Variants in GAB2 observed in about 807,000 individuals in gnomAD.
The protein encoded by GAB2 is GRB2 associated binding protein 2.
In GAB2, 26 loss-of-function variants were observed where a neutral mutation model predicts 65.5. That is an observed-to-expected ratio of 0.40 (90% CI 0.29 to 0.55). The LOEUF (loss-of-function observed/expected upper bound fraction) is 0.55, where lower values mean the gene tolerates loss of function less well. GAB2 is among the 20% of genes least tolerant of loss of function. GAB2 has a pLI of 0.53. For missense variants in GAB2, 884 were observed against 875.8 expected (o/e 1.01, Z -0.12); for synonymous variants, 321 against 329.6 (o/e 0.97, Z 0.28).
At chr11:78,259,502 G>C (rs907813055) in intron 2 of GAB2, among the ~76,000 whole-genome samples, 1 of 152,220 alleles carries the variant, frequency 6.6e-6, no homozygotes, top group Non-Finnish European at 1.5e-5. Context: ...GACAGGTGCT[G>C]AGGGCAAGAC....
At chr11:78,300,764 G>A (rs531045144) in intron 1 of GAB2, among the ~76,000 whole-genome samples, 6 of 141,536 alleles carry the variant, frequency 4.2e-5, no homozygotes, top group African/African-American at 1.0e-4. Flanking sequence ...GCATGACCTC[G>A]GCTCACTGCA....
At chr11:78,341,753 A>G in intron 1 of GAB2, 1 of 986,186 alleles carries the variant, frequency 1.0e-6, no homozygotes, top group Non-Finnish European at 1.2e-6. Context: ...TGTTTCCCAA[A>G]ACTCACCTTT....
chr11:78,351,254 C>CT lies in GAB2; in HGVS notation c.75+66391dup, dbSNP rs1373581473. Among the ~76,000 whole-genome samples, 1,413 of 145,264 alleles carry CT rather than the reference C, an allele frequency of 9.7e-3. 15 individuals carry two copies. The highest frequency in any genetic ancestry group is 0.031 in the African/African-American group (1,228 of 39,792). On this transcript the variant is annotated intron_variant, in intron 1 of 9. Transcript: ENST00000361507. ...CCTTCGGCATCATTTACCCAGTGGC[C>CT]TTTTTTTTTTTTAATAAGTGGAATT...
intron 1 of GAB2, among the ~76,000 whole-genome samples, chr11:78,371,619 G>C (rs1045907173): frequency 6.6e-6 from 1 of 152,156 alleles, no homozygotes; most frequent in South Asian, 2.1e-4. Context: ...ATGAGGATGG[G>C]ATTATTTCTT....
rs140873305 is a variant in GAB2, at chr11:78,310,140, G to A, written c.76-29239C>T. Among the ~76,000 whole-genome samples the A allele has an allele frequency of 3.2e-3, 487 of 152,028 alleles. 1 individual carries two copies. Among genetic ancestry groups the A allele is most frequent in the South Asian group, 0.012 (57 of 4,814 alleles). On this transcript the variant is annotated intron_variant, in intron 1 of 9. Coordinates refer to ENST00000361507, the MANE Select transcript of GAB2 (RefSeq NM_080491.3). ...TGTCCCACCTACAATTTCAATACAC[G>A]CCTCTGAGAAATGTGGGGGTGGAGG...
At chr11:78,407,719 C>T (rs1857071367) in intron 1 of GAB2, among the ~76,000 whole-genome samples, 1 of 86,958 alleles carries the variant, frequency 1.1e-5, no homozygotes. Flanking sequence ...ATTTTCCGTC[C>T]CAAAAAGAAA....
At chr11:78,244,218 C>A (rs1383650587) in intron 3 of GAB2, among the ~76,000 whole-genome samples, 1 of 151,982 alleles carries the variant, frequency 6.6e-6, no homozygotes, top group African/African-American at 2.4e-5. Flanking sequence ...GTGGTAAAAT[C>A]CTGTCTCTAT....
At chr11:78,282,167 G>A (rs1235057438) in intron 1 of GAB2, among the ~76,000 whole-genome samples, 2 of 152,134 alleles carry the variant, frequency 1.3e-5, no homozygotes, top group Non-Finnish European at 2.9e-5. Flanking sequence ...AATTGAACAC[G>A]TGATTACATA....
intron 1 of GAB2, among the ~76,000 whole-genome samples, chr11:78,312,127 C>T (rs1291045825): frequency 6.6e-6 from 1 of 150,998 alleles, no homozygotes; most frequent in Non-Finnish European, 1.5e-5. Context: ...GAGGGCACAA[C>T]CAACTGAATG....
chr11:78,354,695 A>G (rs1295286433), intron 1 of GAB2, among the ~76,000 whole-genome samples: 2 of 152,210 alleles, frequency 1.3e-5, no homozygotes, highest in Non-Finnish European at 2.9e-5. Flanking sequence ...CAAAAAAGCA[A>G]CAATAAATAC....
chr11:78,247,726 T>G (rs1054480575), intron 3 of GAB2, among the ~76,000 whole-genome samples: 4 of 152,214 alleles, frequency 2.6e-5, no homozygotes, highest in Non-Finnish European at 2.9e-5. Flanking sequence ...TGTCCAGAGT[T>G]TATAATTATT....
chr11:78,360,420 A>G (rs1591064864), intron 1 of GAB2, among the ~76,000 whole-genome samples: 1 of 150,788 alleles, frequency 6.6e-6, no homozygotes. Context: ...GAAGAAGAGG[A>G]GGAGGAAAGA....
intron 1 of GAB2, among the ~76,000 whole-genome samples, chr11:78,285,106 T>C (rs1866441230): frequency 6.6e-6 from 1 of 152,254 alleles, no homozygotes; most frequent in African/African-American, 2.4e-5. Context: ...TTCTGTGTGC[T>C]GCAGGTTCAC....
chr11:78,377,742 C>A (rs756854102), intron 1 of GAB2, among the ~76,000 whole-genome samples: 2 of 152,068 alleles, frequency 1.3e-5, no homozygotes, highest in Non-Finnish European at 2.9e-5. Context: ...GAGATGCAAT[C>A]GGCTCATACC....
chr11:78,233,676 GGCTC>G (rs1864909293), intron 3 of GAB2, among the ~76,000 whole-genome samples: 1 of 151,588 alleles, frequency 6.6e-6, no homozygotes, highest in Admixed American at 6.6e-5. Context: ...GTGCCATCTT[GGCTC>G]ACTGCAACCT....
At chr11:78,321,199 C>T (rs889054078) in intron 1 of GAB2, among the ~76,000 whole-genome samples, 15 of 152,014 alleles carry the variant, frequency 9.9e-5, no homozygotes, top group African/African-American at 3.6e-4. Context: ...TACCCCTGTA[C>T]CAAGGACTTA....
Position 78,250,408 on chromosome 11 carries a change from G to C in GAB2, c.377-8C>G. 6.2e-7 allele frequency: 1 copy of C among 1,611,248 alleles called. No homozygotes were observed. The highest frequency in any genetic ancestry group is 8.5e-7 in the Non-Finnish European group (1 of 1,177,536). On this transcript the variant is annotated splice_polypyrimidine_tract_variant and splice_region_variant and intron_variant, in intron 2 of 9. Transcript: ENST00000361507. ...AAACATTTCTCAGGGAGTCTGAAAA[G>C]GAGAAATAGCTCTGTGAATGAAAAA...
intron 3 of GAB2, among the ~76,000 whole-genome samples, chr11:78,232,965 G>A (rs928017653): frequency 6.6e-6 from 1 of 151,052 alleles, no homozygotes; most frequent in Non-Finnish European, 1.5e-5. Context: ...AGAGCACCTA[G>A]TATATAATGT....
intron 3 of GAB2, among the ~76,000 whole-genome samples, chr11:78,227,821 C>G (rs1373434598): frequency 6.6e-6 from 1 of 151,964 alleles, no homozygotes; most frequent in Non-Finnish European, 1.5e-5. Context: ...CGCCCCAACA[C>G]AAACAAACAA....
Sources: gnomAD v4.1 joint callset for allele counts (sites outside exome capture counted in the v4.1 genomes callset) on GRCh38, gnomAD v4.1.1 for gene constraint, MANE v1.5 for transcripts, NCBI Gene and HGNC (gene_info 2026-07-23, HGNC 2026-07-21) for gene names.